Variants in ADA observed in about 807,000 individuals in gnomAD.
ADA encodes adenosine deaminase, also known as adenosine aminohydrolase.
ADA carries 45 observed loss-of-function variants against 49.0 expected under a neutral mutation model. That is an observed-to-expected ratio of 0.92 (90% CI 0.72 to 1.18). The LOEUF (loss-of-function observed/expected upper bound fraction) is 1.18, where lower values mean the gene tolerates loss of function less well. ADA is among the 50% of genes most tolerant of loss of function. The pLI, the probability that ADA is intolerant of heterozygous loss-of-function variation, is 0.00. For missense variants in ADA, 445 were observed against 472.5 expected (o/e 0.94, Z 0.54); for synonymous variants, 173 against 184.2 (o/e 0.94, Z 0.49).
chr20:44,628,291 G>C (rs1374188539), intron 3 of ADA, among the ~76,000 whole-genome samples: 1 of 152,128 alleles, frequency 6.6e-6, no homozygotes, highest in Non-Finnish European at 1.5e-5. Flanking sequence ...TTGGGAGGCC[G>C]AGGCGGGCAG....
In ADA at chr20:44,620,380, T is replaced by C. The variant is rs766550065; in HGVS notation, c.997A>G (p.Ser333Gly). Residue 333 changes from serine to glycine, a missense_variant, in exon 11 of 12, where the codon AGT becomes GGT. Coordinates refer to ENST00000372874, the MANE Select transcript of ADA (RefSeq NM_000022.4). ...CTCTTTTCATCTTCTGGGAGGAAAC[T>C]AGATTTGGCCGCATTGATGTTCTGG... The part of the protein sequence containing the change: ...KRLNINAAKS[S>G]FLPEDEKREL... 8.7e-6 allele frequency: 14 copies of C among 1,614,054 alleles called. No individual in the cohort carries two copies. Among genetic ancestry groups the C allele is most frequent in the Non-Finnish European group, 1.1e-5 (13 of 1,180,026 alleles).
At chr20:44,624,423 G>A in intron 5 of ADA, 94 bp from the exon 6 acceptor site, 1 of 1,564,524 alleles carries the variant, frequency 6.4e-7, no homozygotes, top group Non-Finnish European at 8.7e-7. Context: ...CCCCCCATGG[G>A]AGGCCAGCAC....
At chr20:44,634,089 C>T (rs959712841) in intron 2 of ADA, among the ~76,000 whole-genome samples, 2 of 152,242 alleles carry the variant, frequency 1.3e-5, no homozygotes, top group Admixed American at 6.5e-5. Flanking sequence ...CCCCTCCCGG[C>T]GGCTCCTTTC....
intron 2 of ADA, among the ~76,000 whole-genome samples, chr20:44,630,006 T>C (rs1018837243): frequency 6.7e-6 from 1 of 148,960 alleles, no homozygotes; most frequent in African/African-American, 2.5e-5. Context: ...TCCCCCCCCT[T>C]TTTTTTTTAA....
rs939298281 is a variant in ADA at position 44,620,896 on chromosome 20, T to A, written c.975+122A>T. ...TCTGTGGAAAGTGTCTAGGTTGGGC[T>A]TGTCTTGGACTGTTGAGGCAGACTC... is the stretch of plus-strand genomic sequence containing the variant. On this transcript the variant is annotated intron_variant, in intron 10 of 11. Transcript: ENST00000372874. 4 of 1,382,498 alleles carry A rather than the reference T, an allele frequency of 2.9e-6. No individual in the cohort carries two copies. The African/African-American group carries it at 5.7e-5, about 20-fold the overall frequency. The allele number at this position is 1,382,498 out of a possible 1,614,324, so 85.6% of individuals were successfully genotyped here.
chr20:44,621,180 C>A, intron 9 of ADA, 33 bp from the exon 10 acceptor site: 1 of 1,614,008 alleles, frequency 6.2e-7, no homozygotes, highest in Non-Finnish European at 8.5e-7. Flanking sequence ...GAATCAGCCT[C>A]CTTTTACTCT....
chr20:44,635,784 G>C (rs1234742883), intron 2 of ADA, among the ~76,000 whole-genome samples: 4 of 152,146 alleles, frequency 2.6e-5, no homozygotes, highest in African/African-American at 9.7e-5. Flanking sequence ...TGTAATCCCA[G>C]CTACTCAGGA....
At chr20:44,640,137 G>C (rs2065518116) in intron 1 of ADA, among the ~76,000 whole-genome samples, 1 of 152,122 alleles carries the variant, frequency 6.6e-6, no homozygotes. Context: ...ATATGGGTCG[G>C]GCGTGGTGGT....
At chr20:44,633,319 T>C (rs75287327) in intron 2 of ADA, among the ~76,000 whole-genome samples, 3,961 of 152,342 alleles carry the variant, frequency 0.026, 171 homozygotes, top group African/African-American at 0.089. Context: ...CCCAGTGGTC[T>C]GGGTTTGAAT....
At chr20:44,631,748 C>T (rs1347544046) in intron 2 of ADA, among the ~76,000 whole-genome samples, 8 of 152,308 alleles carry the variant, frequency 5.3e-5, no homozygotes, top group East Asian at 1.9e-4. Context: ...TTTTCAGCTC[C>T]GGATCCAGAG....
intron 1 of ADA, among the ~76,000 whole-genome samples, chr20:44,646,279 G>A (rs2065590811): frequency 6.6e-6 from 1 of 150,772 alleles, no homozygotes; most frequent in Non-Finnish European, 1.5e-5. Flanking sequence ...GAAGCAAAAG[G>A]CTTCGATGAA....
intron 3 of ADA, among the ~76,000 whole-genome samples, chr20:44,627,336 C>A (rs1160090325): frequency 6.6e-6 from 1 of 152,114 alleles, no homozygotes; most frequent in Non-Finnish European, 1.5e-5. Flanking sequence ...CGCATGCCAC[C>A]ACGCCCGGCT....
At chr20:44,630,936 C>T (rs1341588260) in intron 2 of ADA, among the ~76,000 whole-genome samples, 2 of 152,094 alleles carry the variant, frequency 1.3e-5, no homozygotes, top group African/African-American at 2.4e-5. Context: ...ACCACCTGAG[C>T]CTGGAAGTCA....
chr20:44,636,258 T>C lies in ADA; in HGVS notation c.64A>G (p.Ile22Val). Residue 22 changes from isoleucine (I) to valine (V), a missense_variant, in exon 2 of 12, where the codon ATC becomes GTC. By Grantham distance (29) the Ile-to-Val change is conservative. Coordinates refer to ENST00000372874, the MANE Select transcript of ADA (RefSeq NM_000022.4). ...VELHVHLDGS[I>V]KPETILYYGR... ...TAGTATAAGATGGTTTCAGGCTTGA[T>C]GGATCCGTCTAGGTGGACATGCAGT... 1 of 1,610,236 alleles carries C rather than the reference T, an allele frequency of 6.2e-7. No individual in the cohort carries two copies. The highest frequency in any genetic ancestry group is 8.5e-7 in the Non-Finnish European group (1 of 1,178,116).
At position 44,619,632 on chromosome 20, in the gene ADA, C is replaced by CCCA; in HGVS notation, c.*201_*202insTGG. On this transcript the variant is annotated 3_prime_UTR_variant, in exon 12 of 12. Transcript: ENST00000372874. ...TGCCCATGTGCAAGGGCGCTGGTCC[C>CCCA]TGGCCAGGGCACATAATCAGAGAAG... The CCCA allele has an allele frequency of 3.1e-6, 2 of 653,074 alleles. No individual in the cohort carries two copies. Among genetic ancestry groups the CCCA allele is most frequent in the Non-Finnish European group, 5.4e-6 (2 of 373,454 alleles). The allele number at this position is 653,074 out of a possible 1,614,324, so 40.5% of individuals were successfully genotyped here.
rs202006713 is a variant in ADA at position 44,621,005 on chromosome 20, C to T, written c.975+13G>A. 1.9e-6 allele frequency: 3 copies of T among 1,613,716 alleles called. No individual in the cohort carries two copies. The highest frequency in any genetic ancestry group is 2.5e-6 in the Non-Finnish European group (3 of 1,179,984). On this transcript the variant is annotated intron_variant, in intron 10 of 11. Transcript: ENST00000372874. ...AACCCGAGTCAAGGCCAGTATGGCT[C>T]ACACCCACTCACCAGCCTTTTAAAC...
rs374413123 is a variant in ADA, at chr20:44,625,615, G to A, written c.432C>T (p.Phe144=). ...ACAGGATGGACCGGGCCTTGACCCCGAAGTCTCGCTCCCCCTCCTGCAGGC... is the reference window on the plus strand; with the variant it reads ...ACAGGATGGACCGGGCCTTGACCCCAAAGTCTCGCTCCCCCTCCTGCAGGC... ...GQGLQEGERD[F]GVKARSILCC... Residue 144 remains phenylalanine, a synonymous_variant, in exon 5 of 12, where the codon TTC becomes TTT. Transcript: ENST00000372874. 4.1e-5 allele frequency: 65 copies of A among 1,587,348 alleles called. No individual in the cohort carries two copies. Among genetic ancestry groups the A allele is most frequent in the South Asian group, 8.0e-5 (7 of 87,112 alleles).
At chr20:44,636,069 TCCATGTCCTCACAGTC>T in intron 2 of ADA, 142 bp downstream of exon 2, 1 of 733,244 alleles carries the variant, frequency 1.4e-6, no homozygotes, top group Non-Finnish European at 2.4e-6. Context: ...TGCTGAGGCC[TCCATGTCCTCACAGTC>T]CCACTTCTGG....
At position 44,649,535 on chromosome 20, in the gene ADA, G is replaced by A. The variant is rs557821207; in HGVS notation, c.33+2040C>T. On this transcript the variant is annotated intron_variant, in intron 1 of 11. Coordinates refer to ENST00000372874, the MANE Select transcript of ADA (RefSeq NM_000022.4). ...GGTGTGGACACTGAGGTCCCAATAG[G>A]GAAAATGATCTGCCAGCTTGAATCA... Among the ~76,000 whole-genome samples, 5 of 152,070 alleles carry A rather than the reference G, an allele frequency of 3.3e-5. No individual in the cohort carries two copies. In the South Asian group the frequency reaches 8.3e-4, roughly 25 times the overall value.
Sources: gnomAD v4.1 joint callset for allele counts (sites outside exome capture counted in the v4.1 genomes callset) on GRCh38, gnomAD v4.1.1 for gene constraint, MANE v1.5 for transcripts, NCBI Gene and HGNC (gene_info 2026-07-23, HGNC 2026-07-21) for gene names.